The following SLC35F5 variants were observed in gnomAD, a reference collection of about 807,000 sequenced individuals.
The protein encoded by SLC35F5 is HCV NS5A-transactivated protein 3.
Under a neutral mutation model 68.6 loss-of-function variants are expected in SLC35F5, and 54 were observed. The ratio of observed to expected loss-of-function variants is 0.79; its 90% CI spans 0.63 to 0.99. The LOEUF (loss-of-function observed/expected upper bound fraction) is 0.99, where lower values mean the gene tolerates loss of function less well. SLC35F5 is among the 50% of genes least tolerant of loss of function. SLC35F5 has a pLI of 0.00. For missense variants in SLC35F5, 567 were observed against 626.9 expected, an observed-to-expected ratio of 0.90 and a Z score of 1.02; for synonymous variants, 211 against 205.2, an observed-to-expected ratio of 1.03 and a Z score of -0.24.
intron 14 of SLC35F5, among the ~76,000 whole-genome samples, chr2:113,718,905 GAA>G (rs1553475392): frequency 1.8e-5 from 2 of 111,282 alleles, no homozygotes; most frequent in African/African-American, 3.4e-5. Context: ...AAGAAAGAAA[GAA>G]AGAAAGAAAG....
rs1303320423 is a variant in SLC35F5, at chr2:113,713,472, T to G, written c.*1746A>C. 1 of 152,228 alleles carries G rather than the reference T, an allele frequency of 6.6e-6. No individual in the cohort carries two copies. The highest frequency in any genetic ancestry group is 1.5e-5 in the Non-Finnish European group (1 of 68,038). The allele number at this position is 152,228 out of a possible 1,614,324, so 9.4% of individuals were successfully genotyped here. On this transcript the variant is annotated 3_prime_UTR_variant, in exon 16 of 16. Transcript: ENST00000245680. ...ACTTCAACGATTTTACCCTGTAAAT[T>G]GCTGAAGGTCTTTGTGAACTGTCGA...
In SLC35F5 at chr2:113,756,442, C is replaced by T. The variant is rs916106205; in HGVS notation, c.-33G>A. The T allele has an allele frequency of 3.9e-6, 6 of 1,539,900 alleles. No homozygotes were observed. The African/African-American group carries it at 5.5e-5, about 14-fold the overall frequency. On this transcript the variant is annotated 5_prime_UTR_variant, in exon 1 of 16. Transcript: ENST00000245680. ...CCGGTCAGGCCCCGCAGCCGCCCAG[C>T]GCCACGGCCGCGGCCTCGGACTCAC...
Position 113,735,875 on chromosome 2 carries a change from C to A in SLC35F5, c.751-17G>T, listed in dbSNP as rs745982579. On this transcript the variant is annotated splice_polypyrimidine_tract_variant and intron_variant, in intron 7 of 15. Coordinates refer to ENST00000245680, the MANE Select transcript of SLC35F5 (RefSeq NM_025181.5). ...CAAAAACCACTAAAGAAAAAGAAAA[C>A]CAAAGTGAACCCTAATGAAAGACAT... 1 of 1,499,618 alleles carries A rather than the reference C, an allele frequency of 6.7e-7. No individual in the cohort carries two copies. Among genetic ancestry groups the A allele is most frequent in the Non-Finnish European group, 9.2e-7 (1 of 1,083,204 alleles). The allele number at this position is 1,499,618 out of a possible 1,614,324, so 92.9% of individuals were successfully genotyped here.
At position 113,735,803 on chromosome 2, in the gene SLC35F5, A is replaced by G; in HGVS notation, c.806T>C (p.Ile269Thr). 1 of 1,607,480 alleles carries G rather than the reference A, an allele frequency of 6.2e-7. No individual in the cohort carries two copies. Reference sequence around the variant, plus strand: ...GGAAGTTGAAGATAAAATATTAACTATAGCAACTTGTGTGTCTGAAAGTGC... The same window carrying G: ...GGAAGTTGAAGATAAAATATTAACTGTAGCAACTTGTGTGTCTGAAAGTGC... ...QEALSDTQVA[I>T]VNILSSTSGL... The change falls in exon 8 of 16, where the codon ATA (isoleucine) becomes ACA (threonine). Residue 269 changes from isoleucine to threonine, a missense_variant. Ile to Thr is a moderately conservative substitution (Grantham distance 89). Transcript: ENST00000245680.
intron 7 of SLC35F5, 45 bp downstream of exon 7, chr2:113,742,647 T>C (rs773539587): frequency 1.9e-6 from 3 of 1,588,378 alleles, no homozygotes; most frequent in Non-Finnish European, 2.6e-6. Flanking sequence ...AGTCTTAAAA[T>C]TCAAGTTTCA....
At position 113,706,930 on chromosome 2, in the gene SLC35F5, T is replaced by G; in HGVS notation, c.*8288A>C. Among the ~76,000 whole-genome samples, 1 of 152,204 alleles carries G rather than the reference T, an allele frequency of 6.6e-6. No homozygotes were observed. The highest frequency in any genetic ancestry group is 1.9e-4 in the East Asian group (1 of 5,200). On this transcript the variant is annotated 3_prime_UTR_variant, in exon 16 of 16. Transcript: ENST00000245680. ...AATAATGTTCCCAAATTATATAGTTTAAAATACACAATGTTTCAAGTTGCA... is the reference window on the plus strand; with the variant it reads ...AATAATGTTCCCAAATTATATAGTTGAAAATACACAATGTTTCAAGTTGCA...
chr2:113,727,726 G>A (rs750653892), intron 11 of SLC35F5, among the ~76,000 whole-genome samples: 5 of 151,798 alleles, frequency 3.3e-5, no homozygotes, highest in Admixed American at 6.6e-5. Context: ...TAACTTCTCC[G>A]AATCCTGTCT....
intron 9 of SLC35F5, among the ~76,000 whole-genome samples, chr2:113,734,232 A>G (rs933472480): frequency 2.6e-5 from 4 of 152,232 alleles, no homozygotes; most frequent in African/African-American, 9.6e-5. Flanking sequence ...GAGAAATAAA[A>G]ATCAAAACAA....
At chr2:113,756,101 C>A (rs1676973817) in intron 1 of SLC35F5, 2 of 1,447,344 alleles carry the variant, frequency 1.4e-6, no homozygotes, top group South Asian at 3.0e-5. Context: ...AGAAATCATC[C>A]TTCTGTTTTG....
At chr2:113,755,138 C>T (rs1676915428) in intron 3 of SLC35F5, 27 bp downstream of exon 3, 1 of 1,608,350 alleles carries the variant, frequency 6.2e-7, no homozygotes, top group Non-Finnish European at 8.5e-7. Context: ...TGTAATGTAA[C>T]ATCATTCCTG....
In SLC35F5 at chr2:113,753,162, G is replaced by GTTTTTTTTTTTTTTTTTTTTTTT. The variant is rs143010470; in HGVS notation, c.273+2002_273+2003insAAAAAAAAAAAAAAAAAAAAAAA. On this transcript the variant is annotated intron_variant, in intron 3 of 15. Coordinates refer to ENST00000245680, the MANE Select transcript of SLC35F5 (RefSeq NM_025181.5). ...AATACACACTTTATCTCCAAAGTTT[G>GTTTTTTTTTTTTTTTTTTTTTTT]TTTTTCTTTTTTTTTTTTTTTTTTT... 4.0e-4 allele frequency among the ~76,000 whole-genome samples: 20 copies of GTTTTTTTTTTTTTTTTTTTTTTT among 50,540 alleles called. 1 individual carries two copies. The highest frequency in any genetic ancestry group is 7.4e-4 in the South Asian group (1 of 1,346). 33.2% of individuals were successfully genotyped at this position (50,540 alleles called of 152,430 possible).
At chr2:113,755,923 T>C in intron 1 of SLC35F5, 1 of 1,550,538 alleles carries the variant, frequency 6.4e-7, no homozygotes, top group Non-Finnish European at 8.7e-7. Flanking sequence ...GTCTTTTCTG[T>C]CCCTGATCTG....
chr2:113,752,089 A>G (rs1676768802), intron 3 of SLC35F5, among the ~76,000 whole-genome samples: 1 of 151,594 alleles, frequency 6.6e-6, no homozygotes, highest in Non-Finnish European at 1.5e-5. Context: ...GCAGGTGCCT[A>G]TAATCCCAGC....
At chr2:113,717,967 C>T (rs755775319) in intron 14 of SLC35F5, 117 bp from the exon 15 acceptor site, 3 of 595,632 alleles carry the variant, frequency 5.0e-6, no homozygotes, top group African/African-American at 1.9e-5. Context: ...GTGGCAGAAC[C>T]AACACTAGGA....
chr2:113,735,217 T>TA (rs1156524049), intron 8 of SLC35F5, among the ~76,000 whole-genome samples: 2 of 152,206 alleles, frequency 1.3e-5, no homozygotes, highest in East Asian at 3.8e-4. Flanking sequence ...TGTTGTTATA[T>TA]AAAAAATATT....
rs150435249 is a variant in SLC35F5 at position 113,746,144 on chromosome 2, C to A, written c.480+133G>T. ...GAGAAAAAAAGTACCAAATTACAAT[C>A]CTAATGATGGGCACCCAATATTGAG... is the stretch of plus-strand genomic sequence containing the variant. On this transcript the variant is annotated intron_variant, in intron 5 of 15. Transcript: ENST00000245680. 162 of 689,250 alleles carry A rather than the reference C, an allele frequency of 2.4e-4. 1 individual carries two copies. The African/African-American group carries it at 2.5e-3, about 11-fold the overall frequency. The allele number at this position is 689,250 out of a possible 1,614,324, so 42.7% of individuals were successfully genotyped here.
At chr2:113,753,679 G>A (rs1007689670) in intron 3 of SLC35F5, among the ~76,000 whole-genome samples, 2 of 152,018 alleles carry the variant, frequency 1.3e-5, no homozygotes, top group Admixed American at 6.5e-5. Context: ...ATGGTGTTTC[G>A]ATATATGTAT....
chr2:113,724,009 T>C (rs984144045), intron 12 of SLC35F5, among the ~76,000 whole-genome samples: 1 of 152,174 alleles, frequency 6.6e-6, no homozygotes, highest in Non-Finnish European at 1.5e-5. Context: ...TATAGGCAAG[T>C]AAAATCTAGC....
rs767984652 is a variant in SLC35F5 at position 113,709,744 on chromosome 2, G to A, written c.*5474C>T. ...CGCTTGTTAGAAAGGCAAATTACCA[G>A]GCCCACCATCCCCACCGCCAGACCT... is the stretch of plus-strand genomic sequence containing the variant. On this transcript the variant is annotated 3_prime_UTR_variant, in exon 16 of 16. Transcript: ENST00000245680. Among the ~76,000 whole-genome samples, 42 of 152,112 alleles carry A rather than the reference G, an allele frequency of 2.8e-4. No homozygotes were observed. The highest frequency in any genetic ancestry group is 6.6e-4 in the Admixed American group (10 of 15,262).
Sources: allele counts gnomAD v4.1 joint callset (sites outside exome capture counted in the v4.1 genomes callset), GRCh38; gene constraint gnomAD v4.1.1; transcripts MANE v1.5; gene names NCBI Gene and HGNC (gene_info 2026-07-23, HGNC 2026-07-21).